The following CLMN variants were observed in gnomAD, a reference collection of about 807,000 sequenced individuals.
CLMN encodes calmin (calponin-like, transmembrane).
In CLMN, 57 loss-of-function variants were observed where a neutral mutation model predicts 92.7. The ratio of observed to expected loss-of-function variants is 0.61; its 90% confidence interval spans 0.50 to 0.77. The LOEUF (loss-of-function observed/expected upper bound fraction) is 0.77. Ranked by LOEUF, CLMN falls within the 30% of genes least tolerant of loss-of-function variation. The pLI, the probability that CLMN is intolerant of heterozygous loss-of-function variation, is 0.00. For missense variants in CLMN, 1,158 were observed against 1,237.5 expected (o/e 0.94, Z 0.96); for synonymous variants, 466 against 470.6 (o/e 0.99, Z 0.13).
intron 1 of CLMN, among the ~76,000 whole-genome samples, chr14:95,234,569 G>A (rs1897991779): frequency 6.6e-6 from 1 of 152,248 alleles, no homozygotes; most frequent in Non-Finnish European, 1.5e-5. Context: ...CAAGGATAGA[G>A]TCATAAAAGT....
rs1439345297 is a variant in CLMN at position 95,213,412 on chromosome 14, G to A, written c.418-3C>T. On this transcript the variant is annotated splice_region_variant and splice_polypyrimidine_tract_variant and intron_variant, in intron 5 of 12. Transcript: ENST00000298912. ...AGGTTGCCTGTGAGCTCCTTAATCT[G>A]GAAGGAAAATGGCATTTCAGACCCC... is the stretch of plus-strand genomic sequence containing the variant. 2 of 1,595,568 alleles carry A rather than the reference G, an allele frequency of 1.3e-6. No individual in the cohort carries two copies. The highest frequency in any genetic ancestry group is 1.7e-6 in the Non-Finnish European group (2 of 1,172,796).
chr14:95,194,148 G>A lies in CLMN; in HGVS notation c.2770-229C>T, dbSNP rs565606044. Reference sequence around the variant, plus strand: ...CGAGAGACCCCACCACCCGGAACCCGGATTGGGGTGTGCTGCTCCGGGTTC... The same window carrying A: ...CGAGAGACCCCACCACCCGGAACCCAGATTGGGGTGTGCTGCTCCGGGTTC... On this transcript the variant is annotated intron_variant, in intron 11 of 12. Coordinates refer to ENST00000298912, the MANE Select transcript of CLMN (RefSeq NM_024734.4). The surrounding 1 kb of genome is among the most constrained non-coding windows in gnomAD (Gnocchi z 4.0). The A allele has an allele frequency of 1.1e-5, 16 of 1,411,908 alleles. No individual in the cohort carries two copies. Among genetic ancestry groups the A allele is most frequent in the South Asian group, 8.0e-5 (5 of 62,404 alleles). 87.5% of individuals were successfully genotyped at this position (1,411,908 alleles called of 1,614,324 possible). A position where few individuals can be genotyped will look rare whatever the true frequency, so the allele number is the denominator to read the frequency against.
chr14:95,243,131 A>G (rs955062724), intron 1 of CLMN, among the ~76,000 whole-genome samples: 2 of 152,242 alleles, frequency 1.3e-5, no homozygotes, highest in Non-Finnish European at 2.9e-5. Flanking sequence ...CTACTTTGCC[A>G]AACCCTGCTG....
chr14:95,251,711 G>A (rs1298781282), intron 1 of CLMN, among the ~76,000 whole-genome samples: 1 of 152,180 alleles, frequency 6.6e-6, no homozygotes, highest in Non-Finnish European at 1.5e-5. Flanking sequence ...TGTAATTCTG[G>A]GAACATGCAG....
At chr14:95,292,428 T>TCCCCCCCCCCCCCCCCCCCCCCCCCCCCC (rs1263766978) in intron 1 of CLMN, among the ~76,000 whole-genome samples, 1 of 74,054 alleles carries the variant, frequency 1.4e-5, no homozygotes, top group Admixed American at 1.4e-4. Flanking sequence ...CCCCCAAGGG[T>TCCCCCCCCCCCCCCCCCCCCCCCCCCCCC]CCCCCACCCC....
At chr14:95,299,092 A>G (rs1160159081) in intron 1 of CLMN, among the ~76,000 whole-genome samples, 1 of 152,182 alleles carries the variant, frequency 6.6e-6, no homozygotes, top group African/African-American at 2.4e-5. Flanking sequence ...GGGAAGCCTC[A>G]GTGATTGAAC....
At chr14:95,312,792 T>A (rs1901599672) in intron 1 of CLMN, among the ~76,000 whole-genome samples, 3 of 152,152 alleles carry the variant, frequency 2.0e-5, no homozygotes. Context: ...ACACCTTAGT[T>A]CTGGGATGTG....
rs1379066914 is a variant in CLMN, at chr14:95,189,269, C to T, written c.*2295G>A. On this transcript the variant is annotated 3_prime_UTR_variant, in exon 13 of 13. Coordinates refer to ENST00000298912, the MANE Select transcript of CLMN (RefSeq NM_024734.4). ...TAAGCACGTTATGTAGAAATGCAAACATAAGAGAGTTGAAAGTGGTTACTT... is the reference window on the plus strand; with the variant it reads ...TAAGCACGTTATGTAGAAATGCAAATATAAGAGAGTTGAAAGTGGTTACTT... 1 of 152,122 alleles carries T rather than the reference C, an allele frequency of 6.6e-6. No homozygotes were observed. The highest frequency in any genetic ancestry group is 1.5e-5 in the Non-Finnish European group (1 of 68,006). 9.4% of individuals were successfully genotyped at this position (152,122 alleles called of 1,614,324 possible).
chr14:95,248,572 GA>G (rs1425944661), intron 1 of CLMN, among the ~76,000 whole-genome samples: 1 of 152,178 alleles, frequency 6.6e-6, no homozygotes, highest in Middle Eastern at 3.2e-3. Context: ...AAACCACAAG[GA>G]AATCATTAGC....
chr14:95,235,873 T>A (rs139172201), intron 1 of CLMN, among the ~76,000 whole-genome samples: 23 of 152,134 alleles, frequency 1.5e-4, no homozygotes, highest in African/African-American at 4.3e-4. Flanking sequence ...GCCCAGACGT[T>A]CGGGCATGCA....
At chr14:95,277,247 A>G (rs1899967703) in intron 1 of CLMN, among the ~76,000 whole-genome samples, 1 of 152,222 alleles carries the variant, frequency 6.6e-6, no homozygotes, top group African/African-American at 2.4e-5. Flanking sequence ...ACTCTGTCAT[A>G]AAAGGTGTGT....
chr14:95,311,016 G>T (rs11621057), intron 1 of CLMN, among the ~76,000 whole-genome samples: 20,101 of 152,196 alleles, frequency 0.13, 1,664 homozygotes, highest in Non-Finnish European at 0.19. Context: ...CACACTGGAG[G>T]CAGCATAGAC....
chr14:95,283,270 A>G (rs190054496), intron 1 of CLMN, among the ~76,000 whole-genome samples: 63 of 152,286 alleles, frequency 4.1e-4, no homozygotes, highest in East Asian at 1.7e-3. Flanking sequence ...CATGTAAGAA[A>G]TGCCTTTCAC....
intron 1 of CLMN, among the ~76,000 whole-genome samples, chr14:95,318,292 C>G (rs1250073944): frequency 6.6e-6 from 1 of 152,214 alleles, no homozygotes; most frequent in Non-Finnish European, 1.5e-5. Flanking sequence ...GATCCAGGCA[C>G]TTGGCTTATT....
At chr14:95,236,158 G>A (rs1361616303) in intron 1 of CLMN, among the ~76,000 whole-genome samples, 1 of 152,258 alleles carries the variant, frequency 6.6e-6, no homozygotes, top group Non-Finnish European at 1.5e-5. Context: ...CGTTTTACAG[G>A]TAAGGAGTCT....
In CLMN at chr14:95,289,450, C is replaced by G. The variant is rs1900468239; in HGVS notation, c.82+30261G>C. On this transcript the variant is annotated intron_variant, in intron 1 of 12. Coordinates refer to ENST00000298912, the MANE Select transcript of CLMN (RefSeq NM_024734.4). ...AGAGGTTGCAACCTGGTTGACAGAG[C>G]AAGACTCTGTCTCAAAAAATAAATA... 2.0e-5 allele frequency among the ~76,000 whole-genome samples: 3 copies of G among 150,488 alleles called. No individual in the cohort carries two copies. In the Admixed American group the frequency reaches 2.0e-4, roughly 10 times the overall value.
chr14:95,245,212 A>AT (rs1566890966), intron 1 of CLMN, among the ~76,000 whole-genome samples: 1 of 31,006 alleles, frequency 3.2e-5, no homozygotes, highest in Non-Finnish European at 5.0e-5. Flanking sequence ...TATATATTAT[A>AT]TATATATATA....
chr14:95,233,966 C>A (rs570309502), intron 1 of CLMN, among the ~76,000 whole-genome samples: 1 of 152,216 alleles, frequency 6.6e-6, no homozygotes, highest in African/African-American at 2.4e-5. Flanking sequence ...AAATAGCAGA[C>A]AAGTCCCAAA....
intron 2 of CLMN, among the ~76,000 whole-genome samples, chr14:95,229,831 A>C (rs1897826647): frequency 6.6e-6 from 1 of 152,094 alleles, no homozygotes; most frequent in South Asian, 2.1e-4. Context: ...TTCCTACTTA[A>C]AGACAGACCC....
Sources: gnomAD v4.1 joint callset for allele counts (sites outside exome capture counted in the v4.1 genomes callset) on GRCh38, gnomAD v4.1.1 for gene constraint, Gnocchi (gnomAD v3.1) non-coding constraint, MANE v1.5 for transcripts, NCBI Gene and HGNC (gene_info 2026-07-23, HGNC 2026-07-21) for gene names.